NCOA3: variants seen among roughly 807,000 people sequenced by gnomAD.
NCOA3 encodes CBP-interacting protein.
A neutral mutation model predicts 158.8 loss-of-function variants in NCOA3; 51 were observed. That is an observed-to-expected ratio of 0.32 (90% CI 0.26 to 0.41). The LOEUF is 0.41. Ranked by LOEUF, NCOA3 falls within the 10% of genes least tolerant of loss-of-function variation. The pLI, the probability that NCOA3 is intolerant of heterozygous loss-of-function variation, is 1.00. For synonymous variants in NCOA3, 537 were observed against 592.4 expected (o/e 0.91, Z 1.36); for missense variants, 1,510 against 1,746.6 (o/e 0.86, Z 2.41).
chr20:47,623,083 T>C (rs1319766404), intron 3 of NCOA3: 5 of 152,342 alleles, frequency 3.3e-5, no homozygotes, highest in Admixed American at 2.6e-4. Flanking sequence ...TTTGTGAGGT[T>C]GCATCCTTTT....
At chr20:47,503,465 C>T (rs1321610093) in intron 1 of NCOA3, among the ~76,000 whole-genome samples, 1 of 152,122 alleles carries the variant, frequency 6.6e-6, no homozygotes, top group Non-Finnish European at 1.5e-5. Flanking sequence ...CTACAGTTTC[C>T]CCTTCTCAGA....
intron 1 of NCOA3, among the ~76,000 whole-genome samples, chr20:47,503,178 C>T (rs1222896164): frequency 6.6e-6 from 1 of 152,066 alleles, no homozygotes; most frequent in Admixed American, 6.6e-5. Context: ...GATTTAAATG[C>T]CTGGCCTCGG....
intron 1 of NCOA3, among the ~76,000 whole-genome samples, chr20:47,535,670 G>T (rs1396783769): frequency 6.6e-6 from 1 of 151,950 alleles, no homozygotes. Flanking sequence ...ACCACATCTG[G>T]CTAATTTTTG....
chr20:47,572,414 A>G (rs2085308029), intron 1 of NCOA3, among the ~76,000 whole-genome samples: 2 of 150,978 alleles, frequency 1.3e-5, no homozygotes, highest in African/African-American at 4.9e-5. Context: ...CTAGTAAAAG[A>G]AAAAAAAACA....
chr20:47,655,567 T>C lies in NCOA3; in HGVS notation c.*2150T>C, dbSNP rs2146356677. On this transcript the variant is annotated 3_prime_UTR_variant, in exon 23 of 23. Coordinates refer to ENST00000371998, the MANE Select transcript of NCOA3 (RefSeq NM_181659.3). Reference sequence around the variant, plus strand: ...TCCCCTACCAAGTTCAAAATATATCTAAGAAAGATTGTAAATCCGAAAACT... The same window carrying C: ...TCCCCTACCAAGTTCAAAATATATCCAAGAAAGATTGTAAATCCGAAAACT... 1 of 152,734 alleles carries C rather than the reference T, an allele frequency of 6.5e-6. No individual in the cohort carries two copies. The highest frequency in any genetic ancestry group is 1.9e-4 in the East Asian group (1 of 5,184). 9.5% of individuals were successfully genotyped at this position (152,734 alleles called of 1,614,324 possible).
chr20:47,620,534 C>T (rs552750703), intron 2 of NCOA3, among the ~76,000 whole-genome samples: 129 of 152,276 alleles, frequency 8.5e-4, no homozygotes, highest in Non-Finnish European at 7.5e-4. Context: ...ATCTCCCCCC[C>T]GGGTCAGGAT....
intron 2 of NCOA3, among the ~76,000 whole-genome samples, chr20:47,616,561 T>G (rs923068293): frequency 6.6e-6 from 1 of 152,214 alleles, no homozygotes. Flanking sequence ...GCATACAACT[T>G]TTTTTAGTGG....
Position 47,656,731 on chromosome 20 carries a change from TTA to T in NCOA3, c.*3316_*3317del, listed in dbSNP as rs1383074183. ...GAATTCAGTTTCAATCAAGTTTACA[TTA>T]TGTTGCTTAAAAAAATAGAAATTAT... On this transcript the variant is annotated 3_prime_UTR_variant, in exon 23 of 23. Coordinates refer to ENST00000371998, the MANE Select transcript of NCOA3 (RefSeq NM_181659.3). The T allele has an allele frequency of 6.6e-6, 1 of 152,554 alleles. No homozygotes were observed. Among genetic ancestry groups the T allele is most frequent in the Non-Finnish European group, 1.5e-5 (1 of 68,026 alleles). The allele number at this position is 152,554 out of a possible 1,614,324, so 9.5% of individuals were successfully genotyped here. A position where few individuals can be genotyped will look rare whatever the true frequency, so the allele number is the denominator to read the frequency against.
At chr20:47,623,873 A>T (rs770008165) in intron 3 of NCOA3, 38 bp from the exon 4 acceptor site, 1 of 1,572,064 alleles carries the variant, frequency 6.4e-7, no homozygotes, top group East Asian at 2.2e-5. Context: ...TATATATATT[A>T]TGTCTCCTTT....
At chr20:47,557,400 C>A (rs987939388) in intron 1 of NCOA3, among the ~76,000 whole-genome samples, 15 of 152,084 alleles carry the variant, frequency 9.9e-5, no homozygotes, top group African/African-American at 3.6e-4. Flanking sequence ...ATTTTCATCC[C>A]CATTTACAGT....
At chr20:47,505,546 C>A (rs1795109167) in intron 1 of NCOA3, among the ~76,000 whole-genome samples, 1 of 151,972 alleles carries the variant, frequency 6.6e-6, no homozygotes, top group Non-Finnish European at 1.5e-5. Flanking sequence ...AGAAAAAAAA[C>A]AAGACTTGTT....
At chr20:47,565,713 C>T (rs1055386540) in intron 1 of NCOA3, among the ~76,000 whole-genome samples, 1 of 152,034 alleles carries the variant, frequency 6.6e-6, no homozygotes, top group Middle Eastern at 3.2e-3. Flanking sequence ...CAGACTGAAA[C>T]CCTGTTCCAA....
chr20:47,588,599 T>G (rs1003963770), intron 2 of NCOA3, among the ~76,000 whole-genome samples: 1 of 152,328 alleles, frequency 6.6e-6, no homozygotes, highest in African/African-American at 2.4e-5. Flanking sequence ...GTCAAAATTA[T>G]ACAAAAGGCA....
At position 47,653,617 on chromosome 20, in the gene NCOA3, C is replaced by A; in HGVS notation, c.*200C>A. ...GGCAATATCTACGTGTTTTTCCCCC[C>A]TCCTTCTGCTGTGTATCATGGTGTT... On this transcript the variant is annotated 3_prime_UTR_variant, in exon 23 of 23. Coordinates refer to ENST00000371998, the MANE Select transcript of NCOA3 (RefSeq NM_181659.3). 1 of 650,198 alleles carries A rather than the reference C, an allele frequency of 1.5e-6. No homozygotes were observed. Among genetic ancestry groups the A allele is most frequent in the Non-Finnish European group, 2.7e-6 (1 of 370,254 alleles). 40.3% of individuals were successfully genotyped at this position (650,198 alleles called of 1,614,324 possible).
At chr20:47,591,272 G>A (rs1352439801) in intron 2 of NCOA3, among the ~76,000 whole-genome samples, 1 of 152,184 alleles carries the variant, frequency 6.6e-6, no homozygotes, top group Non-Finnish European at 1.5e-5. Flanking sequence ...AGATGTTTAA[G>A]ATACCTAGAC....
At chr20:47,560,296 C>T (rs1235760631) in intron 1 of NCOA3, among the ~76,000 whole-genome samples, 1 of 152,174 alleles carries the variant, frequency 6.6e-6, no homozygotes, top group Non-Finnish European at 1.5e-5. Context: ...AGACTGGTCT[C>T]AAACTCCTGA....
chr20:47,593,362 T>TTTTTTTG (rs2085684186), intron 2 of NCOA3, among the ~76,000 whole-genome samples: 1 of 130,382 alleles, frequency 7.7e-6, no homozygotes, highest in Non-Finnish European at 1.7e-5. Context: ...TTTTTTTTTT[T>TTTTTTTG]GAGACAGTCT....
intron 2 of NCOA3, among the ~76,000 whole-genome samples, chr20:47,587,423 A>C (rs1362595286): frequency 6.6e-6 from 1 of 152,224 alleles, no homozygotes; most frequent in Non-Finnish European, 1.5e-5. Context: ...AATAATATGC[A>C]TGCTTATACA....
chr20:47,548,103 T>A (rs1331266395), intron 1 of NCOA3, among the ~76,000 whole-genome samples: 1 of 151,972 alleles, frequency 6.6e-6, no homozygotes, highest in African/African-American at 2.4e-5. Flanking sequence ...AAGATGGAAG[T>A]TGACTCTGAA....
Sources: allele counts gnomAD v4.1 joint callset (sites outside exome capture counted in the v4.1 genomes callset), GRCh38; gene constraint gnomAD v4.1.1; transcripts MANE v1.5; gene names NCBI Gene and HGNC (gene_info 2026-07-23, HGNC 2026-07-21).